Variants in RNF220 observed in about 807,000 individuals in gnomAD.
RNF220 encodes the protein E3 ubiquitin-protein ligase RNF220.
Under a neutral mutation model 67.1 loss-of-function variants are expected in RNF220, and 7 were observed. That is an observed-to-expected ratio of 0.10 (90% CI 0.06 to 0.20). The LOEUF is 0.20. Ranked by LOEUF, RNF220 falls within the 10% of genes least tolerant of loss-of-function variation. The probability of loss-of-function intolerance (pLI) is 1.00; values close to 1 mark genes in which losing one functional copy is unlikely to be tolerated. For missense variants in RNF220, 565 were observed against 740.3 expected, an observed-to-expected ratio of 0.76 and a Z score of 2.75; for synonymous variants, 270 against 283.2, an observed-to-expected ratio of 0.95 and a Z score of 0.47.
intron 2 of RNF220, among the ~76,000 whole-genome samples, chr1:44,538,080 G>T (rs572967147): frequency 6.6e-6 from 1 of 152,244 alleles, no homozygotes; most frequent in East Asian, 1.9e-4. Flanking sequence ...CATCTTGTTG[G>T]CTGTCCCTAG....
chr1:44,425,051 C>T (rs1162435492), intron 2 of RNF220, among the ~76,000 whole-genome samples: 1 of 152,160 alleles, frequency 6.6e-6, no homozygotes, highest in Non-Finnish European at 1.5e-5. Flanking sequence ...CTGTCAGTGT[C>T]AGAATTAGTC....
chr1:44,510,883 G>A (rs1430326639), intron 2 of RNF220, among the ~76,000 whole-genome samples: 1 of 152,184 alleles, frequency 6.6e-6, no homozygotes, highest in Non-Finnish European at 1.5e-5. Context: ...GAGAAAATGA[G>A]CAAAATGAAA....
intron 2 of RNF220, among the ~76,000 whole-genome samples, chr1:44,489,394 C>T (rs751826487): frequency 6.6e-6 from 1 of 152,182 alleles, no homozygotes; most frequent in Non-Finnish European, 1.5e-5. Flanking sequence ...AAGAACAATT[C>T]GATAAGCTGT....
intron 12 of RNF220, chr1:44,648,867 A>G (rs1338281750): frequency 6.6e-6 from 1 of 152,358 alleles, no homozygotes; most frequent in Admixed American, 6.5e-5. Context: ...ACCCATACTC[A>G]GGAACTTTAC....
At chr1:44,619,083 G>A (rs907711521) in intron 3 of RNF220, among the ~76,000 whole-genome samples, 4 of 152,084 alleles carry the variant, frequency 2.6e-5, no homozygotes, top group African/African-American at 9.7e-5. Flanking sequence ...GGAGGTTGAA[G>A]GGCGGGGGTG....
At chr1:44,535,953 G>A (rs994430588) in intron 2 of RNF220, among the ~76,000 whole-genome samples, 1 of 152,184 alleles carries the variant, frequency 6.6e-6, no homozygotes, top group Admixed American at 6.5e-5. Flanking sequence ...CTTCAGCCTG[G>A]GGAGCGGTGA....
At chr1:44,526,475 A>G (rs1400726285) in intron 2 of RNF220, among the ~76,000 whole-genome samples, 6 of 152,118 alleles carry the variant, frequency 3.9e-5, no homozygotes. Flanking sequence ...CCCCTAACTC[A>G]GTACTACTCA....
At chr1:44,429,271 A>G (rs558255492) in intron 2 of RNF220, among the ~76,000 whole-genome samples, 22 of 152,366 alleles carry the variant, frequency 1.4e-4, no homozygotes, top group African/African-American at 5.1e-4. Flanking sequence ...AATAACAGAT[A>G]AGATTTTAAC....
At chr1:44,418,910 ACT>A (rs1447975093) in intron 2 of RNF220, among the ~76,000 whole-genome samples, 5 of 152,058 alleles carry the variant, frequency 3.3e-5, no homozygotes, top group African/African-American at 7.2e-5. Flanking sequence ...CTTATTTTTA[ACT>A]CTTATTAACC....
In RNF220 at chr1:44,413,794, AT is replaced by A. The variant is rs201947176; in HGVS notation, c.625+1079del. 5.1e-3 allele frequency among the ~76,000 whole-genome samples: 768 copies of A among 151,572 alleles called. 11 individuals are homozygous for A. The highest frequency in any genetic ancestry group is 0.018 in the African/African-American group (726 of 41,370). On this transcript the variant is annotated intron_variant, in intron 2 of 14. Coordinates refer to ENST00000361799, the MANE Select transcript of RNF220 (RefSeq NM_018150.4). ...CTCTATAACCACCAACACGAATACC[AT>A]TTTTTTCCCTCCTCTTTATGATGCC...
intron 2 of RNF220, among the ~76,000 whole-genome samples, chr1:44,557,171 A>G (rs1055510358): frequency 1.2e-4 from 17 of 144,600 alleles, no homozygotes; most frequent in Non-Finnish European, 2.5e-4. Flanking sequence ...ATACATATGT[A>G]TATATTAATA....
At chr1:44,502,203 C>G (rs560062603) in intron 2 of RNF220, among the ~76,000 whole-genome samples, 1 of 151,996 alleles carries the variant, frequency 6.6e-6, no homozygotes, top group African/African-American at 2.4e-5. Context: ...CACACACACA[C>G]ATACACTTTA....
In RNF220 at chr1:44,451,341, A is replaced by G. The variant is rs149432343; in HGVS notation, c.625+38619A>G. Among the ~76,000 whole-genome samples, 1,303 of 152,234 alleles carry G rather than the reference A, an allele frequency of 8.6e-3. 17 individuals carry two copies. The highest frequency in any genetic ancestry group is 0.03 in the African/African-American group (1,235 of 41,544). On this transcript the variant is annotated intron_variant, in intron 2 of 14. Coordinates refer to ENST00000361799, the MANE Select transcript of RNF220 (RefSeq NM_018150.4). ...TTGCAAATCTAATGAATAAAAGTAT[A>G]TTGTTCTTTTATAGATTTTCTGTGG... is the stretch of plus-strand genomic sequence containing the variant.
intron 2 of RNF220, among the ~76,000 whole-genome samples, chr1:44,429,557 A>G (rs991603884): frequency 5.3e-5 from 8 of 152,234 alleles, no homozygotes; most frequent in Non-Finnish European, 1.2e-4. Context: ...TAAGTGTAGA[A>G]AAAGAAAAGT....
chr1:44,493,428 C>T (rs12144435), intron 2 of RNF220, among the ~76,000 whole-genome samples: 6,995 of 152,124 alleles, frequency 0.046, 171 homozygotes, highest in Non-Finnish European at 0.059. Context: ...GCAGGAGAAT[C>T]GCTTGAACCT....
intron 2 of RNF220, among the ~76,000 whole-genome samples, chr1:44,541,793 A>T (rs998127387): frequency 6.6e-6 from 1 of 152,236 alleles, no homozygotes; most frequent in Non-Finnish European, 1.5e-5. Context: ...CTGTTTGGTC[A>T]GGTGCTTTCC....
intron 8 of RNF220, among the ~76,000 whole-genome samples, chr1:44,639,257 C>T (rs1389802436): frequency 6.6e-6 from 1 of 152,198 alleles, no homozygotes; most frequent in Non-Finnish European, 1.5e-5. Context: ...CCTCTCCTGT[C>T]CTCCATCCAG....
At chr1:44,462,781 C>T (rs1370759759) in intron 2 of RNF220, among the ~76,000 whole-genome samples, 1 of 151,954 alleles carries the variant, frequency 6.6e-6, no homozygotes, top group Non-Finnish European at 1.5e-5. Flanking sequence ...GTAATCCCAG[C>T]ACTTTGAGAG....
chr1:44,546,863 T>C (rs963385884), intron 2 of RNF220, among the ~76,000 whole-genome samples: 6 of 152,178 alleles, frequency 3.9e-5, no homozygotes, highest in Non-Finnish European at 8.8e-5. Context: ...ACTGCATTGC[T>C]ACAGCAGCCT....
Sources: allele counts gnomAD v4.1 joint callset (sites outside exome capture counted in the v4.1 genomes callset), GRCh38; gene constraint gnomAD v4.1.1; transcripts MANE v1.5; gene names NCBI Gene and HGNC (gene_info 2026-07-23, HGNC 2026-07-21).